Variants in PYGO1 observed in about 807,000 individuals in gnomAD.
PYGO1 encodes the protein pygopus family PHD finger 1.
Under a neutral mutation model 29.5 loss-of-function variants are expected in PYGO1, and 6 were observed. That is an observed-to-expected ratio of 0.20 (90% CI 0.11 to 0.40). The LOEUF (loss-of-function observed/expected upper bound fraction) is 0.40, where lower values mean the gene tolerates loss of function less well. Ranked by LOEUF, PYGO1 falls within the 10% of genes least tolerant of loss-of-function variation. PYGO1 has a pLI of 1.00. For missense variants in PYGO1, 515 were observed against 514.9 expected, an observed-to-expected ratio of 1.00 and a Z score of 0.00; for synonymous variants, 186 against 180.5, an observed-to-expected ratio of 1.03 and a Z score of -0.24.
chr15:55,583,378 A>G (rs1386464497), intron 1 of PYGO1, among the ~76,000 whole-genome samples: 28 of 115,490 alleles, frequency 2.4e-4, no homozygotes, highest in Admixed American at 2.1e-3. Flanking sequence ...TTTTCCAATG[A>G]AAAAAAAAAA....
chr15:55,574,462 T>G (rs927300987), intron 1 of PYGO1, among the ~76,000 whole-genome samples: 1 of 152,248 alleles, frequency 6.6e-6, no homozygotes, highest in African/African-American at 2.4e-5. Context: ...GTGTAAGTTT[T>G]ACGGTAGTAA....
chr15:55,568,106 T>C (rs1298306487), intron 1 of PYGO1, among the ~76,000 whole-genome samples: 1 of 152,242 alleles, frequency 6.6e-6, no homozygotes, highest in Non-Finnish European at 1.5e-5. Context: ...TTTCCAATTC[T>C]GTGAAAAATT....
intron 1 of PYGO1, among the ~76,000 whole-genome samples, chr15:55,566,187 A>C (rs2058955604): frequency 6.6e-6 from 1 of 152,156 alleles, no homozygotes; most frequent in Admixed American, 6.5e-5. Flanking sequence ...CCTGTCACCC[A>C]GGTGCTGAGC....
At chr15:55,552,683 G>A (rs1204476881) in intron 1 of PYGO1, among the ~76,000 whole-genome samples, 1 of 152,130 alleles carries the variant, frequency 6.6e-6, no homozygotes, top group Admixed American at 6.6e-5. Flanking sequence ...CTCCTCGTGA[G>A]CCCATGCCAC....
rs201235968 is a variant in PYGO1, at chr15:55,546,497, C to G, written c.786G>C (p.Met262Ile). 1 of 1,613,994 alleles carries G rather than the reference C, an allele frequency of 6.2e-7. No individual in the cohort carries two copies. The highest frequency in any genetic ancestry group is 8.5e-7 in the Non-Finnish European group (1 of 1,179,992). Residue 262 changes from methionine (M) to isoleucine (I), a missense_variant, in exon 3 of 3, where the codon ATG (methionine) becomes ATC (isoleucine). Met to Ile is a conservative substitution (Grantham distance 10). Transcript: ENST00000563719. ...NSSAHPPHLN[M>I]DDTVNQSNIE... is the part of the protein sequence containing the mutation. ...TATTACTCTGATTCACTGTGTCATCCATATTCAAGTGAGGTGGATGAGCAG... is the reference window on the plus strand; with the variant it reads ...TATTACTCTGATTCACTGTGTCATCGATATTCAAGTGAGGTGGATGAGCAG...
intron 1 of PYGO1, among the ~76,000 whole-genome samples, chr15:55,582,078 G>A (rs2059027263): frequency 2.6e-5 from 4 of 151,780 alleles, no homozygotes; most frequent in South Asian, 2.1e-4. Context: ...GTGGTGGCAC[G>A]TGCCTATAAT....
chr15:55,564,588 GCCTGTCCC>G, intron 1 of PYGO1, among the ~76,000 whole-genome samples: 1 of 82,296 alleles, frequency 1.2e-5, no homozygotes, highest in Non-Finnish European at 3.2e-5. Context: ...TGGTGGCCAT[GCCTGTCCC>G]AGGGCCATGC....
chr15:55,563,764 C>A (rs572142721), intron 1 of PYGO1, among the ~76,000 whole-genome samples: 2 of 152,244 alleles, frequency 1.3e-5, no homozygotes, highest in South Asian at 4.1e-4. Flanking sequence ...AGGTTTTGAA[C>A]AGACATTTCT....
chr15:55,548,428 C>G (rs1355783695), intron 2 of PYGO1, among the ~76,000 whole-genome samples: 1 of 150,940 alleles, frequency 6.6e-6, no homozygotes, highest in Non-Finnish European at 1.5e-5. Context: ...AAAAATACAG[C>G]GAGGCGTGGT....
In PYGO1 at chr15:55,568,086, AAC is replaced by A. The variant is rs200981610; in HGVS notation, c.50-19093_50-19092del. Among the ~76,000 whole-genome samples the A allele has an allele frequency of 3.2e-4, 49 of 152,270 alleles. No homozygotes were observed. The East Asian group carries it at 9.1e-3, about 28-fold the overall frequency. Reference sequence around the variant, plus strand: ...TCTTTTTTGGTTCCGTATGAATTTTAACACAGTTTTTTCCAATTCTGTGAAAA... The same window carrying A: ...TCTTTTTTGGTTCCGTATGAATTTTAACAGTTTTTTCCAATTCTGTGAAAA... On this transcript the variant is annotated intron_variant, in intron 1 of 2. Coordinates refer to ENST00000563719, the MANE Select transcript of PYGO1 (RefSeq NM_001367806.1).
At chr15:55,547,197 T>C (rs2058856392) in intron 2 of PYGO1, 50 bp from the exon 3 acceptor site, 2 of 1,462,606 alleles carry the variant, frequency 1.4e-6, no homozygotes, top group Admixed American at 2.1e-5. Flanking sequence ...AAATACATTA[T>C]TAAAATTGTC....
rs1186273617 is a variant in PYGO1 at position 55,542,771 on chromosome 15, A to T, written c.*3252T>A. The T allele has an allele frequency of 6.6e-6, 1 of 152,114 alleles. No individual in the cohort carries two copies. The highest frequency in any genetic ancestry group is 1.9e-4 in the East Asian group (1 of 5,188). 9.4% of individuals were successfully genotyped at this position (152,114 alleles called of 1,614,324 possible). A position where few individuals can be genotyped will look rare whatever the true frequency, so the allele number is the denominator to read the frequency against. On this transcript the variant is annotated 3_prime_UTR_variant, in exon 3 of 3. Coordinates refer to ENST00000563719, the MANE Select transcript of PYGO1 (RefSeq NM_001367806.1). ...CATGGTGAACCCGTCTCTACTAAAA[A>T]TACAAAAATTAGCCAGGTGTGATGG...
At chr15:55,572,189 G>A (rs748454516) in intron 1 of PYGO1, among the ~76,000 whole-genome samples, 5 of 151,998 alleles carry the variant, frequency 3.3e-5, no homozygotes, top group East Asian at 1.9e-4. Flanking sequence ...ACAGTAATAC[G>A]GGCATAAAAA....
In PYGO1 at chr15:55,554,468, CAAAAAAA is replaced by C. The variant is rs56216226; in HGVS notation, c.50-5480_50-5474del. ...TGGGTGACAGAGCAAGACTCTGTCTCAAAAAAAAAAAAAAAAAAAAAAAAAGAAAGAA... is the reference window on the plus strand; with the variant it reads ...TGGGTGACAGAGCAAGACTCTGTCTCAAAAAAAAAAAAAAAAAAGAAAGAA... On this transcript the variant is annotated intron_variant, in intron 1 of 2. Coordinates refer to ENST00000563719, the MANE Select transcript of PYGO1 (RefSeq NM_001367806.1). Among the ~76,000 whole-genome samples, 10 of 122,918 alleles carry C rather than the reference CAAAAAAA, an allele frequency of 8.1e-5. 1 individual carries two copies. The East Asian group carries it at 1.3e-3, about 16-fold the overall frequency. 80.6% of individuals were successfully genotyped at this position (122,918 alleles called of 152,430 possible).
chr15:55,542,240 T>A lies in PYGO1; in HGVS notation c.*3783A>T, dbSNP rs2058830781. On this transcript the variant is annotated 3_prime_UTR_variant, in exon 3 of 3. Coordinates refer to ENST00000563719, the MANE Select transcript of PYGO1 (RefSeq NM_001367806.1). ...TTGAATGAAGACTCTTGATACTTAT[T>A]TGGATTAAAGTTGGCAGATTTTATG... The A allele has an allele frequency of 6.6e-6, 1 of 152,164 alleles. No individual in the cohort carries two copies. The highest frequency in any genetic ancestry group is 2.1e-4 in the South Asian group (1 of 4,834). The allele number at this position is 152,164 out of a possible 1,614,324, so 9.4% of individuals were successfully genotyped here. A position where few individuals can be genotyped will look rare whatever the true frequency, so the allele number is the denominator to read the frequency against.
In PYGO1 at chr15:55,548,937, A is replaced by C; in HGVS notation, c.108T>G (p.Asp36Glu). The C allele has an allele frequency of 1.2e-6, 2 of 1,612,934 alleles. No individual in the cohort carries two copies. Among genetic ancestry groups the C allele is most frequent in the South Asian group, 2.2e-5 (2 of 90,934 alleles). ...GTGTATTTGCCTTGCGCTTTTTCTTATCTGGGCTTCCTAGTTGTACACCTG... is the reference window on the plus strand; with the variant it reads ...GTGTATTTGCCTTGCGCTTTTTCTTCTCTGGGCTTCCTAGTTGTACACCTG... ...GGPGVQLGSP[D>E]KKKRKANTQG... Residue 36 changes from aspartate to glutamate, a missense_variant, in exon 2 of 3, where the codon GAT becomes GAG. Transcript: ENST00000563719.
chr15:55,546,209 T>G lies in PYGO1; in HGVS notation c.1074A>C (p.Leu358Phe). Residue 358 changes from leucine to phenylalanine, a missense_variant, in exon 3 of 3, where the codon TTA becomes TTC. By Grantham distance (22) the Leu-to-Phe change is conservative (BLOSUM62 0). Coordinates refer to ENST00000563719, the MANE Select transcript of PYGO1 (RefSeq NM_001367806.1). ...NEVNDDQDAI[L>F]CEASCQKWFH... is the part of the protein sequence containing the mutation. Reference sequence around the variant, plus strand: ...ACCATTTCTGACAAGAGGCCTCACATAAGATGGCATCCTGATCATCGTTCA... The same window carrying G: ...ACCATTTCTGACAAGAGGCCTCACAGAAGATGGCATCCTGATCATCGTTCA... 6.2e-7 allele frequency: 1 copy of G among 1,614,192 alleles called. No homozygotes were observed. Among genetic ancestry groups the G allele is most frequent in the South Asian group, 1.1e-5 (1 of 91,082 alleles).
chr15:55,548,856 C>T, intron 2 of PYGO1, 54 bp downstream of exon 2: 1 of 1,462,306 alleles, frequency 6.8e-7, no homozygotes, highest in Non-Finnish European at 9.4e-7. Context: ...TTTACCTCAT[C>T]AGCCTGACCA....
intron 1 of PYGO1, among the ~76,000 whole-genome samples, chr15:55,583,476 A>G (rs2059033798): frequency 6.6e-6 from 1 of 150,400 alleles, no homozygotes; most frequent in Non-Finnish European, 1.5e-5. Flanking sequence ...TTTAAGCCAC[A>G]TCTTCATCAT....
Sources: allele counts gnomAD v4.1 joint callset (sites outside exome capture counted in the v4.1 genomes callset), GRCh38; gene constraint gnomAD v4.1.1; transcripts MANE v1.5; gene names NCBI Gene and HGNC (gene_info 2026-07-23, HGNC 2026-07-21).